The following RANBP2 variants were observed in gnomAD, a reference collection of about 807,000 sequenced individuals.
RANBP2 encodes the protein RAN binding protein 2, also known as E3 SUMO-protein ligase RanBP2.
Under a neutral mutation model 303.6 loss-of-function variants are expected in RANBP2, and 57 were observed. The ratio of observed to expected loss-of-function variants is 0.19; its 90% confidence interval spans 0.15 to 0.23. The LOEUF (loss-of-function observed/expected upper bound fraction) is 0.23, where lower values mean the gene tolerates loss of function less well. Ranked by LOEUF, RANBP2 falls within the 10% of genes least tolerant of loss-of-function variation. The pLI is 1.00. For synonymous variants in RANBP2, 1,167 were observed against 1,301.5 expected (o/e 0.90, Z 2.23); for missense variants, 3,138 against 3,780.8 (o/e 0.83, Z 4.46).
chr2:109,288,984 A>G, the RANBP2 span, among the ~76,000 whole-genome samples: 12 of 152,352 alleles, frequency 7.9e-5, no homozygotes, highest in Non-Finnish European at 1.0e-4. Flanking sequence ...TCAAGGACAT[A>G]AAAAATCATT....
chr2:109,058,982 G>A, the RANBP2 span, among the ~76,000 whole-genome samples: 3 of 152,210 alleles, frequency 2.0e-5, no homozygotes, highest in African/African-American at 4.8e-5. Flanking sequence ...ACAGGACACA[G>A]TGGCCTGTGC....
At chr2:109,613,521 G>T in the RANBP2 span, 1 of 237,120 alleles carries the variant, frequency 4.2e-6, no homozygotes, top group Non-Finnish European at 8.2e-6. Flanking sequence ...GTAACTTTTG[G>T]CAAAGACCGG....
chr2:109,714,653 C>T, the RANBP2 span, among the ~76,000 whole-genome samples: 1 of 150,924 alleles, frequency 6.6e-6, no homozygotes, highest in African/African-American at 2.4e-5. Flanking sequence ...TCTGTATTGC[C>T]CAGGCTGGAG....
the RANBP2 span, among the ~76,000 whole-genome samples, chr2:109,022,777 G>A: frequency 2.6e-5 from 4 of 152,190 alleles, no homozygotes; most frequent in South Asian, 2.1e-4. Flanking sequence ...TTGGCTGGGC[G>A]TGGTGGCTCA....
chr2:109,060,318 G>T, the RANBP2 span, among the ~76,000 whole-genome samples: 16 of 152,176 alleles, frequency 1.1e-4, no homozygotes, highest in African/African-American at 3.4e-4. Flanking sequence ...TCCTGGACTC[G>T]ATCTCCTGGA....
the RANBP2 span, among the ~76,000 whole-genome samples, chr2:109,714,730 C>G: frequency 1.3e-5 from 2 of 151,416 alleles, no homozygotes; most frequent in Non-Finnish European, 2.9e-5. Flanking sequence ...CTGCCTCATC[C>G]TTTGAGTAGT....
the RANBP2 span, among the ~76,000 whole-genome samples, chr2:109,380,463 C>A: frequency 1.3e-5 from 2 of 152,204 alleles, no homozygotes; most frequent in African/African-American, 4.8e-5. Context: ...CAGAGCTCAT[C>A]AAGCATGGGG....
the RANBP2 span, among the ~76,000 whole-genome samples, chr2:108,973,190 G>A: frequency 2.0e-5 from 3 of 152,222 alleles, no homozygotes; most frequent in Non-Finnish European, 2.9e-5. Context: ...GTTTCACCAT[G>A]TTGGCCAGGC....
At chr2:109,629,737 G>C in the RANBP2 span, among the ~76,000 whole-genome samples, 94 of 152,124 alleles carry the variant, frequency 6.2e-4, no homozygotes, top group South Asian at 2.5e-3. Flanking sequence ...CTTGAACTCA[G>C]GAGGCAGAGG....
chr2:109,597,607 A>AT, the RANBP2 span, among the ~76,000 whole-genome samples: 6 of 152,242 alleles, frequency 3.9e-5, no homozygotes, highest in Admixed American at 3.9e-4. Context: ...TGTAGCTTCT[A>AT]TTTTAAAGAT....
the RANBP2 span, among the ~76,000 whole-genome samples, chr2:109,701,678 C>T: frequency 6.6e-6 from 1 of 152,076 alleles, no homozygotes; most frequent in South Asian, 2.1e-4. Flanking sequence ...CGCTCTTTGT[C>T]CACAAGGAAT....
At chr2:109,333,059 T>C in the RANBP2 span, among the ~76,000 whole-genome samples, 1 of 152,240 alleles carries the variant, frequency 6.6e-6, no homozygotes, top group Non-Finnish European at 1.5e-5. Context: ...GCAGAGCTGC[T>C]CACTGCCTGG....
At chr2:109,646,561 G>A in the RANBP2 span, among the ~76,000 whole-genome samples, 10 of 151,650 alleles carry the variant, frequency 6.6e-5, no homozygotes, top group South Asian at 6.3e-4. Flanking sequence ...GCACAATCTC[G>A]GCTCACTGCA....
At chr2:108,867,066 A>C in the RANBP2 span, among the ~76,000 whole-genome samples, 1 of 152,146 alleles carries the variant, frequency 6.6e-6, no homozygotes, top group East Asian at 1.9e-4. Flanking sequence ...TTATGAAAAG[A>C]TTCTACTGAG....
At chr2:109,101,514 C>T in the RANBP2 span, among the ~76,000 whole-genome samples, 5 of 151,968 alleles carry the variant, frequency 3.3e-5, no homozygotes, top group South Asian at 4.2e-4. Context: ...GGCTACAGAG[C>T]GAGACTCTGT....
chr2:108,857,168 T>TC, the RANBP2 span, among the ~76,000 whole-genome samples: 1 of 125,898 alleles, frequency 7.9e-6, no homozygotes, highest in Non-Finnish European at 1.6e-5. Flanking sequence ...AACCTCTGAC[T>TC]CCCTGGTTCA....
chr2:109,659,394 CA>C, the RANBP2 span, among the ~76,000 whole-genome samples: 1 of 151,756 alleles, frequency 6.6e-6, no homozygotes, highest in South Asian at 2.1e-4. Flanking sequence ...CACAAAAAAA[CA>C]AAAAAAACAA....
the RANBP2 span, among the ~76,000 whole-genome samples, chr2:109,522,615 A>C: frequency 7.5e-6 from 1 of 132,838 alleles, no homozygotes; most frequent in African/African-American, 3.6e-5. Context: ...TTTTTTTTCC[A>C]GGCTGGTCTC....
the RANBP2 span, among the ~76,000 whole-genome samples, chr2:109,494,635 G>A: frequency 6.6e-6 from 1 of 152,178 alleles, no homozygotes; most frequent in African/African-American, 2.4e-5. Context: ...AGAACACTCA[G>A]CTGCCAAGCA....
Sources: allele counts gnomAD v4.1 joint callset (sites outside exome capture counted in the v4.1 genomes callset), GRCh38; gene constraint gnomAD v4.1.1; transcripts MANE v1.5; gene names NCBI Gene and HGNC (gene_info 2026-07-23, HGNC 2026-07-21).